OSBPL10: variants seen among roughly 807,000 people sequenced by gnomAD.
OSBPL10 encodes the protein oxysterol-binding protein-related protein 10.
Under a neutral mutation model 81.7 loss-of-function variants are expected in OSBPL10, and 49 were observed. That is an observed-to-expected ratio of 0.60 (90% CI 0.48 to 0.76). The LOEUF is 0.76. Ranked by LOEUF, OSBPL10 falls within the 30% of genes least tolerant of loss-of-function variation. The pLI is 0.00. For missense variants in OSBPL10, 923 were observed against 987.8 expected, an observed-to-expected ratio of 0.93 and a Z score of 0.88; for synonymous variants, 419 against 383.6, an observed-to-expected ratio of 1.09 and a Z score of -1.08.
At chr3:31,756,312 G>T (rs1212336733) in intron 4 of OSBPL10, among the ~76,000 whole-genome samples, 1 of 152,120 alleles carries the variant, frequency 6.6e-6, no homozygotes, top group Non-Finnish European at 1.5e-5. Flanking sequence ...ACAATGAGAA[G>T]GTTCCTTCCT....
At chr3:32,003,523 A>G (rs1426161127) in intron 2 of OSBPL10, among the ~76,000 whole-genome samples, 1 of 152,226 alleles carries the variant, frequency 6.6e-6, no homozygotes, top group Non-Finnish European at 1.5e-5. Context: ...AAGGACAAGG[A>G]CAACCAAGAA....
At chr3:31,949,140 G>T (rs771707924) in intron 1 of OSBPL10, among the ~76,000 whole-genome samples, 8 of 152,118 alleles carry the variant, frequency 5.3e-5, no homozygotes, top group Non-Finnish European at 1.0e-4. Flanking sequence ...AGGAGTTTTA[G>T]GTTGGTTTCT....
chr3:31,997,662 T>A lies in OSBPL10; in HGVS notation n.298+48829A>T, dbSNP rs532707215. 1.9e-4 allele frequency among the ~76,000 whole-genome samples: 29 copies of A among 152,146 alleles called. No individual in the cohort carries two copies. The South Asian group carries it at 5.6e-3, about 29-fold the overall frequency. ...GTTTTTACTTTCCTTTATCAAATAG[T>A]CTGCTTACCACAAATTTCATCAAGC... On this transcript the variant is annotated intron_variant and non_coding_transcript_variant, in intron 2 of 3. Coordinates refer to the OSBPL10 transcript ENST00000479173.
At chr3:31,916,733 A>C (rs1020129070) in intron 1 of OSBPL10, among the ~76,000 whole-genome samples, 9 of 152,212 alleles carry the variant, frequency 5.9e-5, no homozygotes, top group African/African-American at 2.2e-4. Flanking sequence ...TCCCTGATTA[A>C]TTACTTCTCA....
chr3:31,783,114 T>C (rs1199419990), intron 4 of OSBPL10, among the ~76,000 whole-genome samples: 1 of 20,214 alleles, frequency 4.9e-5, no homozygotes, highest in Non-Finnish European at 9.9e-5. Context: ...ATATCTATTA[T>C]ATATATATAT....
In OSBPL10 at chr3:31,853,044, G is replaced by A. The variant is rs567252715; in HGVS notation, c.538-22813C>T. On this transcript the variant is annotated intron_variant, in intron 3 of 11. Transcript: ENST00000396556. Reference sequence around the variant, plus strand: ...AATGCAATGCACTGGAGTTCATAAGGTTTTTTTCACATGAAAAAGAGTTTT... The same window carrying A: ...AATGCAATGCACTGGAGTTCATAAGATTTTTTTCACATGAAAAAGAGTTTT... Among the ~76,000 whole-genome samples, 3 of 152,204 alleles carry A rather than the reference G, an allele frequency of 2.0e-5. No homozygotes were observed. In the South Asian group the frequency reaches 6.2e-4, roughly 32 times the overall value.
At chr3:32,025,888 C>T (rs1699400916) in intron 2 of OSBPL10, among the ~76,000 whole-genome samples, 1 of 152,112 alleles carries the variant, frequency 6.6e-6, no homozygotes, top group African/African-American at 2.4e-5. Flanking sequence ...TGAGTATCCG[C>T]TGCACACACA....
intron 4 of OSBPL10, among the ~76,000 whole-genome samples, chr3:31,802,637 T>C (rs186330257): frequency 6.6e-6 from 1 of 151,758 alleles, no homozygotes; most frequent in East Asian, 1.9e-4. Flanking sequence ...TTAATTCCCC[T>C]TCTTTTCAAC....
At chr3:31,850,422 T>A (rs1700735786) in intron 3 of OSBPL10, among the ~76,000 whole-genome samples, 1 of 151,898 alleles carries the variant, frequency 6.6e-6, no homozygotes, top group Non-Finnish European at 1.5e-5. Flanking sequence ...AAAGAAAATA[T>A]AAAATATGAC....
In OSBPL10 at chr3:31,684,029, G is replaced by A; in HGVS notation, c.1331C>T (p.Ala444Val). 6.2e-7 allele frequency: 1 copy of A among 1,614,230 alleles called. No homozygotes were observed. The highest frequency in any genetic ancestry group is 8.5e-7 in the Non-Finnish European group (1 of 1,180,048). ...DFMAHPDLLL[A>V]ITAGATPEER... The stretch of plus-strand genomic sequence containing the variant: ...CTCTGGTGTGGCCCCAGCGGTGATG[G>A]CCAGCAGTAGGTCTGGGTGCGCCAT... The change falls in exon 8 of 12, where the codon GCC becomes GTC. Residue 444 changes from alanine to valine, a missense_variant. This residue lies in a region of OSBPL10 where 387 missense variants were observed against 436.3 expected (regional missense o/e 0.89). Coordinates refer to ENST00000396556, the MANE Select transcript of OSBPL10 (RefSeq NM_017784.5).
intron 6 of OSBPL10, among the ~76,000 whole-genome samples, chr3:31,730,355 G>C (rs1449438962): frequency 6.7e-6 from 1 of 149,894 alleles, no homozygotes; most frequent in Non-Finnish European, 1.5e-5. Flanking sequence ...CAAAAAAAGG[G>C]GGAAAAAAAA....
intron 7 of OSBPL10, among the ~76,000 whole-genome samples, chr3:31,694,777 G>A (rs539082230): frequency 3.3e-5 from 5 of 151,896 alleles, no homozygotes; most frequent in Middle Eastern, 3.2e-3. Flanking sequence ...TTTTTGAGAC[G>A]GACTTTCACT....
At chr3:32,008,311 C>A (rs1409940179) in intron 2 of OSBPL10, among the ~76,000 whole-genome samples, 4 of 139,664 alleles carry the variant, frequency 2.9e-5, no homozygotes, top group Admixed American at 2.8e-4. Flanking sequence ...CGCCACAATG[C>A]TCAGCTAATT....
chr3:31,687,367 T>TA (rs1196031408), intron 7 of OSBPL10, among the ~76,000 whole-genome samples: 7 of 152,112 alleles, frequency 4.6e-5, no homozygotes, highest in African/African-American at 1.7e-4. Flanking sequence ...GGAAAACTGA[T>TA]ACAATATTTA....
rs528008672 is a variant in OSBPL10 at position 31,705,381 on chromosome 3, C to T, written c.1096-2873G>A. Among the ~76,000 whole-genome samples, 81 of 141,322 alleles carry T rather than the reference C, an allele frequency of 5.7e-4. 1 individual carries two copies. Among genetic ancestry groups the T allele is most frequent in the South Asian group, 4.6e-3 (18 of 3,896 alleles). 92.7% of individuals were successfully genotyped at this position (141,322 alleles called of 152,430 possible). On this transcript the variant is annotated intron_variant, in intron 6 of 11. Coordinates refer to ENST00000396556, the MANE Select transcript of OSBPL10 (RefSeq NM_017784.5). ...TCTGCACAAAGAGAAGACCCCCCCC[C>T]CCACCCCCATCGCGGTCCAACTTGG...
At chr3:31,936,503 A>G (rs1697382883) in intron 1 of OSBPL10, among the ~76,000 whole-genome samples, 1 of 152,238 alleles carries the variant, frequency 6.6e-6, no homozygotes, top group Non-Finnish European at 1.5e-5. Context: ...CATTTATCAT[A>G]TCCAGTTCCA....
intron 3 of OSBPL10, among the ~76,000 whole-genome samples, chr3:31,845,825 C>A (rs764567734): frequency 1.3e-5 from 2 of 152,190 alleles, no homozygotes; most frequent in Non-Finnish European, 2.9e-5. Flanking sequence ...TACAGCAGGG[C>A]AGGCTCTTTT....
At position 31,830,145 on chromosome 3, in the gene OSBPL10, G is replaced by T. The variant is rs370281176; in HGVS notation, c.624C>A (p.Leu208=). Residue 208 remains leucine (L), a synonymous_variant, in exon 4 of 12, where the codon CTC becomes CTA. Coordinates refer to ENST00000396556, the MANE Select transcript of OSBPL10 (RefSeq NM_017784.5). ...TGACAACACCGGGGGCCCCCACACT[G>T]AGGTGTCTCTGGCTACAGGGAGACG... ...NSASPCSQRH[L]SVGAPGVVTI... 1.4e-5 allele frequency: 23 copies of T among 1,614,178 alleles called. No homozygotes were observed. The African/African-American group carries it at 2.8e-4, about 20-fold the overall frequency.
At chr3:31,886,045 G>A (rs1404969099) in intron 1 of OSBPL10, among the ~76,000 whole-genome samples, 3 of 149,908 alleles carry the variant, frequency 2.0e-5, no homozygotes, top group Admixed American at 6.7e-5. Context: ...AAGGAGATGG[G>A]GGGTGGGGGG....
Sources: allele counts gnomAD v4.1 joint callset (sites outside exome capture counted in the v4.1 genomes callset), GRCh38; gene constraint gnomAD v4.1.1; regional missense constraint gnomAD v4.1.1; transcripts MANE v1.5; gene names NCBI Gene and HGNC (gene_info 2026-07-23, HGNC 2026-07-21).